Variants in WWC1 observed in about 807,000 individuals in gnomAD.
WWC1 encodes the protein WW and C2 domain containing 1.
Under a neutral mutation model 138.4 loss-of-function variants are expected in WWC1, and 55 were observed. The ratio of observed to expected loss-of-function variants is 0.40; its 90% CI spans 0.32 to 0.50. The LOEUF (loss-of-function observed/expected upper bound fraction) is 0.50. Among genes scored for constraint, WWC1 ranks in the 20% least tolerant of loss-of-function variants. WWC1 has a pLI of 0.72. For missense variants in WWC1, 1,226 were observed against 1,420.4 expected (o/e 0.86, Z 2.20); for synonymous variants, 524 against 564.9 (o/e 0.93, Z 1.03).
In WWC1 at chr5:168,431,246, C is replaced by T. The variant is rs757837620; in HGVS notation, c.2088-6C>T. The T allele has an allele frequency of 2.5e-6, 4 of 1,610,274 alleles. 1 individual carries two copies. In the East Asian group the frequency reaches 6.7e-5, roughly 27 times the overall value. On this transcript the variant is annotated splice_polypyrimidine_tract_variant and splice_region_variant and intron_variant, in intron 14 of 22. Coordinates refer to ENST00000265293, the MANE Select transcript of WWC1 (RefSeq NM_015238.3). ...CAAGATTTCCTGCGGTTCTGTCTCC[C>T]TCTAGGAATATCCGCGTGGCTGTCC...
At chr5:168,468,143 C>T (rs745577346) in intron 22 of WWC1, among the ~76,000 whole-genome samples, 179 bp downstream of exon 22, 1 of 152,260 alleles carries the variant, frequency 6.6e-6, no homozygotes, top group Non-Finnish European at 1.5e-5. Flanking sequence ...AGCGCTCTTC[C>T]CTTGGCTGTC....
chr5:168,426,279 A>G (rs1222350545), intron 11 of WWC1, among the ~76,000 whole-genome samples: 1 of 152,128 alleles, frequency 6.6e-6, no homozygotes, highest in Non-Finnish European at 1.5e-5. Context: ...TGTTCCCTGG[A>G]GAGGAGGGGG....
At chr5:168,438,996 AG>A (rs1754506677) in intron 15 of WWC1, among the ~76,000 whole-genome samples, 1 of 152,104 alleles carries the variant, frequency 6.6e-6, no homozygotes, top group Non-Finnish European at 1.5e-5. Context: ...TATCCTATAT[AG>A]GTGACCACTT....
chr5:168,444,491 T>C lies in WWC1; in HGVS notation c.2434-3T>C, dbSNP rs1755057546. On this transcript the variant is annotated splice_region_variant and splice_polypyrimidine_tract_variant and intron_variant, in intron 16 of 22. Coordinates refer to ENST00000265293, the MANE Select transcript of WWC1 (RefSeq NM_015238.3). ...AATGACCCAGCAACCTTTGTCTCTA[T>C]AGGACGCTGTGTCTGCTCTGTTGGA... 1.3e-6 allele frequency: 2 copies of C among 1,566,612 alleles called. No individual in the cohort carries two copies. Among genetic ancestry groups the C allele is most frequent in the Non-Finnish European group, 1.7e-6 (2 of 1,154,300 alleles).
Position 168,469,564 on chromosome 5 carries a change from G to A in WWC1, c.*547G>A, listed in dbSNP as rs1757581025. The stretch of plus-strand genomic sequence containing the variant: ...GCATCCACGGATCTTCTTGAGCTGT[G>A]ACGTGTTTTTATGTGGCTGCCCAAC... On this transcript the variant is annotated 3_prime_UTR_variant, in exon 23 of 23. Coordinates refer to ENST00000265293, the MANE Select transcript of WWC1 (RefSeq NM_015238.3). 6.5e-6 allele frequency: 1 copy of A among 154,306 alleles called. No individual in the cohort carries two copies. The highest frequency in any genetic ancestry group is 2.4e-5 in the African/African-American group (1 of 41,446). 9.6% of individuals were successfully genotyped at this position (154,306 alleles called of 1,614,324 possible).
chr5:168,390,989 A>C (rs1021391604), intron 3 of WWC1, among the ~76,000 whole-genome samples: 1 of 152,246 alleles, frequency 6.6e-6, no homozygotes, highest in Non-Finnish European at 1.5e-5. Context: ...TGGCTTCCCC[A>C]AAGGCACACT....
At chr5:168,344,563 C>T (rs1160264877) in intron 1 of WWC1, among the ~76,000 whole-genome samples, 2 of 152,186 alleles carry the variant, frequency 1.3e-5, no homozygotes, top group Non-Finnish European at 2.9e-5. Flanking sequence ...ACACAGTTTC[C>T]TGAACTAACT....
chr5:168,360,357 TTTA>T (rs1775794082), intron 1 of WWC1, among the ~76,000 whole-genome samples: 2 of 152,168 alleles, frequency 1.3e-5, no homozygotes, highest in South Asian at 4.2e-4. Flanking sequence ...AAATTTTGCT[TTTA>T]TTATTATTAT....
chr5:168,365,880 C>T (rs1351178763), intron 1 of WWC1, among the ~76,000 whole-genome samples: 43 of 152,210 alleles, frequency 2.8e-4, no homozygotes, highest in Non-Finnish European at 2.9e-5. Flanking sequence ...GCATCTGGGT[C>T]ATTTGATTTC....
intron 15 of WWC1, 47 bp downstream of exon 15, chr5:168,431,491 T>TGGCTGGCTGACCGGCC: frequency 6.4e-7 from 1 of 1,558,334 alleles, no homozygotes; most frequent in South Asian, 1.2e-5. Context: ...GCTGGCTGGC[T>TGGCTGGCTGACCGGCC]GGCTGGCTGG....
At chr5:168,321,276 G>C (rs1365585554) in intron 1 of WWC1, among the ~76,000 whole-genome samples, 1 of 152,126 alleles carries the variant, frequency 6.6e-6, no homozygotes, top group Non-Finnish European at 1.5e-5. Flanking sequence ...GGAAGAACCA[G>C]GTTCTTTTTC....
chr5:168,377,284 A>G (rs531302865), intron 2 of WWC1, among the ~76,000 whole-genome samples: 1 of 152,316 alleles, frequency 6.6e-6, no homozygotes, highest in East Asian at 1.9e-4. Context: ...TTAACTCAAA[A>G]TGGATTAAAG....
chr5:168,449,627 G>T (rs1376580621), intron 17 of WWC1, among the ~76,000 whole-genome samples: 1 of 143,498 alleles, frequency 7.0e-6, no homozygotes, highest in African/African-American at 2.6e-5. Flanking sequence ...AGGCTAGAGT[G>T]CAATGGTGCG....
In WWC1 at chr5:168,340,057, C is replaced by CTTTTA. The variant is rs1169286316; in HGVS notation, c.120-31363_120-31362insATTTT. On this transcript the variant is annotated intron_variant, in intron 1 of 22. Transcript: ENST00000265293. ...TTTCCTTTCTTTTCTTTCTTTCTTT[C>CTTTTA]TTTTCTTTTCTTCTCTTTCTCTCTC... Among the ~76,000 whole-genome samples, 47 of 133,666 alleles carry CTTTTA rather than the reference C, an allele frequency of 3.5e-4. 1 individual carries two copies. The highest frequency in any genetic ancestry group is 1.3e-3 in the African/African-American group (45 of 35,210). 87.7% of individuals were successfully genotyped at this position (133,666 alleles called of 152,430 possible).
chr5:168,438,795 GA>G lies in WWC1; in HGVS notation c.2281-2877del, dbSNP rs139240087. Among the ~76,000 whole-genome samples, 331 of 146,778 alleles carry G rather than the reference GA, an allele frequency of 2.3e-3. 3 individuals carry two copies. The highest frequency in any genetic ancestry group is 1.1e-3 in the Non-Finnish European group (74 of 66,298). ...AGTAATTTCTAGGAAGGCTGTAGGG[GA>G]AAAAAAAAACAGTAAAAATATTAAG... On this transcript the variant is annotated intron_variant, in intron 15 of 22. Coordinates refer to ENST00000265293, the MANE Select transcript of WWC1 (RefSeq NM_015238.3).
intron 17 of WWC1, among the ~76,000 whole-genome samples, chr5:168,449,570 C>CTTTTTTTTTT (rs10636051): frequency 1.1e-5 from 1 of 90,736 alleles, no homozygotes; most frequent in Non-Finnish European, 2.0e-5. Context: ...TTTAACAGCT[C>CTTTTTTTTTT]TTTTTTTTTT....
chr5:168,353,727 T>C (rs1052538676), intron 1 of WWC1, among the ~76,000 whole-genome samples: 1 of 152,204 alleles, frequency 6.6e-6, no homozygotes, highest in Non-Finnish European at 1.5e-5. Flanking sequence ...GTTGGGAAGG[T>C]TAAATGCAAG....
chr5:168,394,958 G>A (rs758934354), intron 3 of WWC1, among the ~76,000 whole-genome samples: 6 of 152,192 alleles, frequency 3.9e-5, no homozygotes, highest in Admixed American at 1.3e-4. Flanking sequence ...TTGTGTCAGC[G>A]GCTTTAGGTA....
At chr5:168,390,392 T>A (rs1202233397) in intron 3 of WWC1, among the ~76,000 whole-genome samples, 1 of 152,206 alleles carries the variant, frequency 6.6e-6, no homozygotes, top group Non-Finnish European at 1.5e-5. Flanking sequence ...TTCCTCAGCC[T>A]TGTGATATGA....
Sources: allele counts gnomAD v4.1 joint callset (sites outside exome capture counted in the v4.1 genomes callset), GRCh38; gene constraint gnomAD v4.1.1; transcripts MANE v1.5; gene names NCBI Gene and HGNC (gene_info 2026-07-23, HGNC 2026-07-21).